The following ATP2A2 variants were observed in gnomAD, a reference collection of about 807,000 sequenced individuals.
ATP2A2 encodes the protein sarcoplasmic/endoplasmic reticulum calcium ATPase 2.
ATP2A2 carries 14 observed loss-of-function variants against 109.3 expected under a neutral mutation model. The observed-to-expected ratio is 0.13, with a 90% confidence interval of 0.08 to 0.20. The LOEUF (loss-of-function observed/expected upper bound fraction) is 0.20, where lower values mean the gene tolerates loss of function less well. ATP2A2 is among the 10% of genes least tolerant of loss of function. The probability of loss-of-function intolerance (pLI) is 1.00; values close to 1 mark genes in which losing one functional copy is unlikely to be tolerated. For missense variants in ATP2A2, 657 were observed against 1,321.6 expected, an observed-to-expected ratio of 0.50 and a Z score of 7.80; for synonymous variants, 506 against 490.9, an observed-to-expected ratio of 1.03 and a Z score of -0.41.
At chr12:110,282,832 A>G (rs1398128848) in intron 3 of ATP2A2, 37 bp downstream of exon 3, 1 of 1,519,150 alleles carries the variant, frequency 6.6e-7, no homozygotes, top group Admixed American at 1.7e-5. Context: ...TCCCCCCAAA[A>G]GCTGAAAGTA....
At chr12:110,292,213 ATGTGT>A (rs1168617980) in intron 4 of ATP2A2, 89 bp downstream of exon 4, 6 of 969,698 alleles carry the variant, frequency 6.2e-6, no homozygotes, top group African/African-American at 3.2e-5. Flanking sequence ...GTTTTTCCTG[ATGTGT>A]TGAGTAAAAA....
At chr12:110,306,718 A>G (rs555083224) in intron 5 of ATP2A2, among the ~76,000 whole-genome samples, 3 of 152,212 alleles carry the variant, frequency 2.0e-5, no homozygotes, top group African/African-American at 7.2e-5. Flanking sequence ...GTAGTATCAC[A>G]TGGTGTATAT....
chr12:110,294,986 A>G (rs1873810915), intron 4 of ATP2A2, among the ~76,000 whole-genome samples: 1 of 151,722 alleles, frequency 6.6e-6, no homozygotes, highest in Non-Finnish European at 1.5e-5. Context: ...CGCCTGGTTA[A>G]TTTTTTGTAT....
chr12:110,287,150 G>T (rs979254552), intron 3 of ATP2A2, among the ~76,000 whole-genome samples: 1 of 152,166 alleles, frequency 6.6e-6, no homozygotes, highest in African/African-American at 2.4e-5. Context: ...CTACTCAGGA[G>T]GCTGAGGCAG....
At position 110,340,811 on chromosome 12, in the gene ATP2A2, C is replaced by T. The variant is rs1592861138; in HGVS notation, c.1914C>T (p.Ile638=). Residue 638 remains isoleucine, a synonymous_variant, in exon 14 of 20, where the codon ATC becomes ATT. Coordinates refer to ENST00000539276, the MANE Select transcript of ATP2A2 (RefSeq NM_170665.4). This position sits in a 1 kb window ranked among gnomAD's most constrained non-coding sequence, Gnocchi z 6.0. Reference sequence around the variant, plus strand: ...CTGCTGTGGCCATCTGTCGCCGCATCGGCATCTTCGGGCAGGATGAGGACG... The same window carrying T: ...CTGCTGTGGCCATCTGTCGCCGCATTGGCATCTTCGGGCAGGATGAGGACG... ...KGTAVAICRR[I]GIFGQDEDVT... 6 of 1,614,198 alleles carry T rather than the reference C, an allele frequency of 3.7e-6. No individual in the cohort carries two copies. The highest frequency in any genetic ancestry group is 1.1e-5 in the South Asian group (1 of 91,086).
chr12:110,308,258 C>T (rs781321779), intron 5 of ATP2A2, among the ~76,000 whole-genome samples: 2 of 152,164 alleles, frequency 1.3e-5, no homozygotes, highest in Non-Finnish European at 2.9e-5. Flanking sequence ...TCCAATACAA[C>T]GTTGAAGTAC....
intron 3 of ATP2A2, among the ~76,000 whole-genome samples, chr12:110,289,146 C>G (rs3026449): frequency 3.3e-5 from 5 of 152,258 alleles, no homozygotes; most frequent in African/African-American, 1.2e-4. Flanking sequence ...TAAGTTTGTT[C>G]CCCAGGCTTT....
At chr12:110,324,670 T>C (rs1877589260) in intron 6 of ATP2A2, among the ~76,000 whole-genome samples, 1 of 152,118 alleles carries the variant, frequency 6.6e-6, no homozygotes, top group Non-Finnish European at 1.5e-5. Flanking sequence ...TCCGCCTGCC[T>C]TGGCCTCCCA....
rs189168806 is a variant in ATP2A2 at position 110,293,116 on chromosome 12, C to T, written c.324+992C>T. 5.9e-5 allele frequency among the ~76,000 whole-genome samples: 9 copies of T among 152,170 alleles called. No individual in the cohort carries two copies. In the East Asian group the frequency reaches 7.7e-4, roughly 13 times the overall value. On this transcript the variant is annotated intron_variant, in intron 4 of 19. Transcript: ENST00000539276. ...TTTTGTTTTGAGACCGACTCTCTGT[C>T]GCCCAGGCAGGAGTGCAGTGGCACG...
At chr12:110,343,155 C>T (rs972106315) in intron 15 of ATP2A2, 77 bp from the exon 16 acceptor site, 22 of 1,412,396 alleles carry the variant, frequency 1.6e-5, no homozygotes, top group South Asian at 3.5e-5. Context: ...TGGAGGAGGG[C>T]GGGTTGATGA....
At chr12:110,343,171 T>G (rs183424996) in intron 15 of ATP2A2, 61 bp from the exon 16 acceptor site, 1 of 1,562,150 alleles carries the variant, frequency 6.4e-7, no homozygotes, top group Non-Finnish European at 8.8e-7. Context: ...GATGATGCTC[T>G]TTAAATAGTG....
In ATP2A2 at chr12:110,346,620, C is replaced by G; in HGVS notation, c.*150C>G. 1.3e-6 allele frequency: 2 copies of G among 1,490,562 alleles called. No homozygotes were observed. The highest frequency in any genetic ancestry group is 1.8e-6 in the Non-Finnish European group (2 of 1,128,670). The allele number at this position is 1,490,562 out of a possible 1,614,324, so 92.3% of individuals were successfully genotyped here. On this transcript the variant is annotated 3_prime_UTR_variant, in exon 20 of 20. Transcript: ENST00000539276. The stretch of plus-strand genomic sequence containing the variant: ...CTAGATTTTGTTTTGCTTTTTCTGA[C>G]TCCAGTGGGGCAAGATTTTCCTTTT...
Position 110,346,008 on chromosome 12 carries a change from G to A in ATP2A2, c.2749G>A (p.Glu917Lys), listed in dbSNP as rs757763998. 3 of 1,614,010 alleles carry A rather than the reference G, an allele frequency of 1.9e-6. No individual in the cohort carries two copies. Among genetic ancestry groups the A allele is most frequent in the African/African-American group, 1.3e-5 (1 of 74,918 alleles). The change falls in exon 19 of 20, where the codon GAA becomes AAA. Residue 917 changes from glutamate (E) to lysine (K), a missense_variant. Physicochemically the swap from Glu to Lys is moderately conservative, Grantham distance 56. Coordinates refer to ENST00000539276, the MANE Select transcript of ATP2A2 (RefSeq NM_170665.4). ...CCTCTCCTTGCTCTGCAGCTTGTCC[G>A]AAAACCAGTCCTTGCTGAGGATGCC... ...EMCNALNSLS[E>K]NQSLLRMPPW...
At position 110,323,316 on chromosome 12, in the gene ATP2A2, C is replaced by T. The variant is rs111339374; in HGVS notation, c.544+244C>T. Among the ~76,000 whole-genome samples the T allele has an allele frequency of 1.1e-4, 17 of 152,278 alleles. 1 individual carries two copies. The highest frequency in any genetic ancestry group is 3.9e-4 in the African/African-American group (16 of 41,546). On this transcript the variant is annotated intron_variant, in intron 6 of 19. Transcript: ENST00000539276. ...TCTCCTGTCTCAGCCTCCCAAGTAG[C>T]TGGGACTACAGGCTCCTGCCACCAT...
At chr12:110,345,778 T>A (rs1879787268) in intron 18 of ATP2A2, 1 of 634,572 alleles carries the variant, frequency 1.6e-6, no homozygotes, top group South Asian at 1.8e-5. Context: ...TTGAACCCAC[T>A]AAGATGGGGT....
intron 6 of ATP2A2, chr12:110,325,845 C>T (rs970772827): frequency 2.5e-5 from 4 of 158,678 alleles, no homozygotes; most frequent in Non-Finnish European, 5.6e-5. Context: ...AAAATTAACC[C>T]GGCGTGGTAT....
At chr12:110,312,020 A>G (rs1876129849) in intron 5 of ATP2A2, among the ~76,000 whole-genome samples, 1 of 152,086 alleles carries the variant, frequency 6.6e-6, no homozygotes, top group African/African-American at 2.4e-5. Context: ...AAAAAAATAA[A>G]AAATGAAAAT....
chr12:110,339,316 A>G lies in ATP2A2; in HGVS notation c.1455A>G (p.Leu485=), dbSNP rs888755745. The part of the protein sequence containing the change: ...IKQLMKKEFT[L]EFSRDRKSMS... The stretch of plus-strand genomic sequence containing the variant: ...AGCTGATGAAAAAGGAATTCACTCT[A>G]GAGTTTTCACGTGACAGAAAGTCAA... Residue 485 remains leucine, a synonymous_variant, in exon 12 of 20, where the codon CTA becomes CTG. Coordinates refer to ENST00000539276, the MANE Select transcript of ATP2A2 (RefSeq NM_170665.4). The surrounding 1 kb of genome is among the most constrained non-coding windows in gnomAD (Gnocchi z 4.4). 6.2e-7 allele frequency: 1 copy of G among 1,614,190 alleles called. No individual in the cohort carries two copies. The highest frequency in any genetic ancestry group is 1.3e-5 in the African/African-American group (1 of 75,058).
intron 5 of ATP2A2, among the ~76,000 whole-genome samples, chr12:110,316,936 T>G (rs1290276405): frequency 6.6e-6 from 1 of 152,154 alleles, no homozygotes; most frequent in South Asian, 2.1e-4. Flanking sequence ...TGTTGAAAGA[T>G]TTTAAAACAG....
Sources: gnomAD v4.1 joint callset for allele counts (sites outside exome capture counted in the v4.1 genomes callset) on GRCh38, gnomAD v4.1.1 for gene constraint, Gnocchi (gnomAD v3.1) non-coding constraint, MANE v1.5 for transcripts, NCBI Gene and HGNC (gene_info 2026-07-23, HGNC 2026-07-21) for gene names.